The following PAN3 variants were observed in gnomAD, a reference collection of about 807,000 sequenced individuals.
PAN3 encodes the protein PAN2-PAN3 deadenylation complex subunit PAN3.
Under a neutral mutation model 96.2 loss-of-function variants are expected in PAN3, and 19 were observed. The observed-to-expected ratio is 0.20, with a 90% CI of 0.14 to 0.29. PAN3 has a LOEUF of 0.29. Ranked by LOEUF, PAN3 falls within the 10% of genes least tolerant of loss-of-function variation. PAN3 has a pLI of 1.00. For missense variants in PAN3, 882 were observed against 1,108.1 expected, an observed-to-expected ratio of 0.80 and a Z score of 2.90; for synonymous variants, 433 against 406.6, an observed-to-expected ratio of 1.06 and a Z score of -0.78.
intron 1 of PAN3, among the ~76,000 whole-genome samples, chr13:28,144,548 G>A (rs1870350615): frequency 6.6e-6 from 1 of 151,908 alleles, no homozygotes; most frequent in South Asian, 2.1e-4. Flanking sequence ...AAACTCGAGG[G>A]ATAACGTAAC....
intron 4 of PAN3, among the ~76,000 whole-genome samples, chr13:28,185,431 A>G (rs987923847): frequency 6.6e-6 from 1 of 152,164 alleles, no homozygotes; most frequent in Non-Finnish European, 1.5e-5. Context: ...TTTTGTTTTA[A>G]CAAGTGTGAG....
chr13:28,219,183 G>C (rs1202051397), intron 5 of PAN3, among the ~76,000 whole-genome samples: 1 of 152,064 alleles, frequency 6.6e-6, no homozygotes, highest in African/African-American at 2.4e-5. Context: ...TTTCCCCTTT[G>C]GAAAATATAG....
chr13:28,291,649 G>A (rs968330447), intron 18 of PAN3, among the ~76,000 whole-genome samples: 21 of 152,120 alleles, frequency 1.4e-4, no homozygotes, highest in Admixed American at 6.5e-4. Flanking sequence ...GGCCAACATG[G>A]CGAAACCCCG....
intron 4 of PAN3, among the ~76,000 whole-genome samples, chr13:28,193,874 AG>A (rs934373169): frequency 3.3e-5 from 5 of 151,068 alleles, no homozygotes; most frequent in Non-Finnish European, 7.4e-5. Context: ...AGTACATTTG[AG>A]GCCCAGTGCG....
chr13:28,287,900 A>G, intron 17 of PAN3, 84 bp from the exon 18 acceptor site: 1 of 1,353,124 alleles, frequency 7.4e-7, no homozygotes, highest in Non-Finnish European at 9.9e-7. Context: ...GAAAAAGTAA[A>G]ACTAGTTTGG....
At chr13:28,227,988 A>G (rs978419173) in intron 6 of PAN3, among the ~76,000 whole-genome samples, 1 of 152,234 alleles carries the variant, frequency 6.6e-6, no homozygotes, top group Non-Finnish European at 1.5e-5. Context: ...GATCTGTTTC[A>G]TAGCTGAACG....
intron 1 of PAN3, among the ~76,000 whole-genome samples, chr13:28,159,900 A>G (rs1415370763): frequency 6.6e-6 from 1 of 151,994 alleles, no homozygotes; most frequent in African/African-American, 2.4e-5. Context: ...ACCTGCATGT[A>G]TACCCCTGAA....
intron 3 of PAN3, 46 bp from the exon 4 acceptor site, chr13:28,177,819 G>T (rs1875236680): frequency 1.3e-6 from 2 of 1,494,732 alleles, no homozygotes; most frequent in Admixed American, 3.4e-5. Context: ...AGATTTGCGG[G>T]TTACCCAAGT....
intron 5 of PAN3, among the ~76,000 whole-genome samples, chr13:28,210,754 C>A (rs764867108): frequency 6.6e-6 from 1 of 151,366 alleles, no homozygotes; most frequent in Non-Finnish European, 1.5e-5. Flanking sequence ...ATAACAACAA[C>A]AAAAAAAACC....
At chr13:28,149,158 C>T (rs1218140269) in intron 1 of PAN3, among the ~76,000 whole-genome samples, 1 of 151,784 alleles carries the variant, frequency 6.6e-6, no homozygotes, top group East Asian at 1.9e-4. Context: ...AGTTTGAGTC[C>T]AGCCTGGGCA....
intron 4 of PAN3, among the ~76,000 whole-genome samples, chr13:28,186,964 A>G (rs1021623522): frequency 6.6e-6 from 1 of 152,142 alleles, no homozygotes; most frequent in African/African-American, 2.4e-5. Context: ...CTGTACTATC[A>G]CCACTTTGGG....
At chr13:28,201,158 C>T (rs1878646797) in intron 5 of PAN3, among the ~76,000 whole-genome samples, 1 of 151,874 alleles carries the variant, frequency 6.6e-6, no homozygotes, top group Non-Finnish European at 1.5e-5. Flanking sequence ...TCTCAGTCTC[C>T]CGAGTAGCTG....
intron 5 of PAN3, among the ~76,000 whole-genome samples, chr13:28,209,816 CTTT>C (rs1040066472): frequency 6.6e-6 from 1 of 151,894 alleles, no homozygotes; most frequent in Non-Finnish European, 1.5e-5. Flanking sequence ...TTCCTTTCTC[CTTT>C]TACCACTCTG....
rs189158108 is a variant in PAN3, at chr13:28,140,413, A to G, written c.430+1326A>G. On this transcript the variant is annotated intron_variant, in intron 1 of 18. Transcript: ENST00000380958. ...GAATTCTGGAGAACTAGATCTTAAA[A>G]TAATCTGATAGGCAGTTCAATTTGT... Among the ~76,000 whole-genome samples the G allele has an allele frequency of 1.8e-3, 277 of 151,470 alleles. 3 individuals are homozygous for G. The highest frequency in any genetic ancestry group is 0.017 in the South Asian group (81 of 4,830).
intron 6 of PAN3, among the ~76,000 whole-genome samples, chr13:28,236,067 A>G (rs1054662053): frequency 2.0e-5 from 3 of 152,100 alleles, no homozygotes; most frequent in Non-Finnish European, 2.9e-5. Flanking sequence ...TTCCTCCACT[A>G]AAGTTAAATG....
chr13:28,261,512 T>G lies in PAN3; in HGVS notation c.1411+54T>G, dbSNP rs139331972. 2.2e-5 allele frequency: 32 copies of G among 1,484,498 alleles called. No individual in the cohort carries two copies. In the African/African-American group the frequency reaches 4.2e-4, roughly 19 times the overall value. 92.0% of individuals were successfully genotyped at this position (1,484,498 alleles called of 1,614,324 possible). On this transcript the variant is annotated intron_variant, in intron 9 of 18. Transcript: ENST00000380958. ...TTTAAAGGCTGTTATAATTCTTACG[T>G]GGTAGTACATGTTTTATGCATTATT...
intron 6 of PAN3, among the ~76,000 whole-genome samples, chr13:28,230,334 G>A (rs932489833): frequency 6.6e-6 from 1 of 150,644 alleles, no homozygotes; most frequent in Non-Finnish European, 1.5e-5. Flanking sequence ...ATAACTTTTA[G>A]TTTTTCAAAA....
intron 6 of PAN3, among the ~76,000 whole-genome samples, chr13:28,235,733 A>G (rs1883039880): frequency 6.6e-6 from 1 of 151,668 alleles, no homozygotes. Context: ...ATATATATAT[A>G]TATGTATTTA....
At chr13:28,207,688 C>T (rs1879539479) in intron 5 of PAN3, among the ~76,000 whole-genome samples, 1 of 152,218 alleles carries the variant, frequency 6.6e-6, no homozygotes, top group Non-Finnish European at 1.5e-5. Context: ...TAGATGTTTG[C>T]TCACATTGTC....
Sources: gnomAD v4.1 joint callset for allele counts (sites outside exome capture counted in the v4.1 genomes callset) on GRCh38, gnomAD v4.1.1 for gene constraint, MANE v1.5 for transcripts, NCBI Gene and HGNC (gene_info 2026-07-23, HGNC 2026-07-21) for gene names.